Variants in CCSER1 observed in about 807,000 individuals in gnomAD.
CCSER1 encodes serine-rich coiled-coil domain-containing protein 1.
A neutral mutation model predicts 82.0 loss-of-function variants in CCSER1; 41 were observed. That is an observed-to-expected ratio of 0.50 (90% confidence interval 0.39 to 0.65). The LOEUF is 0.65. Among genes scored for constraint, CCSER1 ranks in the 30% least tolerant of loss-of-function variants. The pLI, the probability that CCSER1 is intolerant of heterozygous loss-of-function variation, is 0.00. For missense variants in CCSER1, 1,119 were observed against 1,064.2 expected (o/e 1.05, Z -0.72); for synonymous variants, 414 against 383.9 (o/e 1.08, Z -0.92).
intron 5 of CCSER1, among the ~76,000 whole-genome samples, chr4:90,565,304 C>T (rs975884291): frequency 7.5e-6 from 1 of 132,550 alleles, no homozygotes; most frequent in African/African-American, 3.2e-5. Context: ...TTCTTATTTT[C>T]AGATATTTTG....
chr4:91,174,583 G>A (rs757657043), intron 10 of CCSER1, among the ~76,000 whole-genome samples: 6 of 151,898 alleles, frequency 4.0e-5, no homozygotes, highest in African/African-American at 7.3e-5. Flanking sequence ...ACATGCATTA[G>A]GTATTTGGAC....
At chr4:90,466,744 T>G (rs1047849019) in intron 4 of CCSER1, among the ~76,000 whole-genome samples, 1 of 152,204 alleles carries the variant, frequency 6.6e-6, no homozygotes. Context: ...CTGAAACTCT[T>G]TCTCTATTGT....
chr4:90,312,509 T>A (rs1463302353), intron 2 of CCSER1, among the ~76,000 whole-genome samples: 1 of 151,852 alleles, frequency 6.6e-6, no homozygotes, highest in Non-Finnish European at 1.5e-5. Context: ...TAGGCAGAGG[T>A]AGGAGAATTG....
chr4:90,401,819 A>G (rs1752919548), intron 4 of CCSER1, among the ~76,000 whole-genome samples: 1 of 152,166 alleles, frequency 6.6e-6, no homozygotes, highest in Non-Finnish European at 1.5e-5. Context: ...TTGAGTCACC[A>G]TGGCCACCCG....
intron 1 of CCSER1, among the ~76,000 whole-genome samples, chr4:90,175,105 G>A (rs570490448): frequency 6.6e-6 from 1 of 152,066 alleles, no homozygotes; most frequent in Non-Finnish European, 1.5e-5. Flanking sequence ...GTAACAAACC[G>A]AGTGCCCATC....
At chr4:90,167,322 T>C (rs11945007) in intron 1 of CCSER1, among the ~76,000 whole-genome samples, 51,907 of 151,910 alleles carry the variant, frequency 0.34, 11,088 homozygotes, top group East Asian at 0.65. Flanking sequence ...GGTAAAAATA[T>C]AGATTGAATT....
At chr4:90,243,306 T>C (rs970601842) in intron 1 of CCSER1, among the ~76,000 whole-genome samples, 1 of 151,890 alleles carries the variant, frequency 6.6e-6, no homozygotes, top group African/African-American at 2.4e-5. Flanking sequence ...TGGAATGCAG[T>C]GGGACAATCT....
chr4:90,758,192 C>A (rs903637840), intron 7 of CCSER1, among the ~76,000 whole-genome samples: 1 of 152,160 alleles, frequency 6.6e-6, no homozygotes, highest in Admixed American at 6.5e-5. Flanking sequence ...CTGCGTCGGC[C>A]TCCCAAAGTG....
chr4:90,739,813 C>T (rs543366606), intron 7 of CCSER1, among the ~76,000 whole-genome samples: 20 of 152,240 alleles, frequency 1.3e-4, no homozygotes, highest in East Asian at 3.9e-4. Flanking sequence ...TCTCTCTCCA[C>T]GGCAGGTGGC....
chr4:90,682,449 T>C (rs993489464), intron 6 of CCSER1, among the ~76,000 whole-genome samples: 6 of 152,206 alleles, frequency 3.9e-5, no homozygotes, highest in African/African-American at 1.4e-4. Context: ...TATAGATTTA[T>C]TTCTCCAAAG....
chr4:90,689,164 A>C (rs1170149651), intron 6 of CCSER1, among the ~76,000 whole-genome samples: 1 of 152,152 alleles, frequency 6.6e-6, no homozygotes, highest in East Asian at 1.9e-4. Flanking sequence ...TTCAAACTTG[A>C]AGACATTTTC....
intron 9 of CCSER1, among the ~76,000 whole-genome samples, chr4:91,006,169 G>A (rs980193532): frequency 5.9e-5 from 9 of 151,892 alleles, no homozygotes; most frequent in African/African-American, 2.2e-4. Context: ...CAAATTATTT[G>A]TCTTCTATTC....
intron 6 of CCSER1, among the ~76,000 whole-genome samples, chr4:90,682,168 T>C (rs1734007304): frequency 6.6e-6 from 1 of 151,922 alleles, no homozygotes; most frequent in Non-Finnish European, 1.5e-5. Flanking sequence ...TGGAGAGTTC[T>C]TCCTAGAATG....
At chr4:90,316,439 A>T (rs775087793) in intron 3 of CCSER1, among the ~76,000 whole-genome samples, 2 of 152,224 alleles carry the variant, frequency 1.3e-5, no homozygotes, top group African/African-American at 2.4e-5. Flanking sequence ...TCTGTAAGAG[A>T]TACAAAAGAG....
chr4:90,544,149 A>G (rs1461759365), intron 5 of CCSER1, among the ~76,000 whole-genome samples: 1 of 152,080 alleles, frequency 6.6e-6, no homozygotes, highest in Non-Finnish European at 1.5e-5. Flanking sequence ...AGATTAGAAG[A>G]CTGTTTTTTA....
chr4:90,761,341 G>T (rs577887531), intron 7 of CCSER1, among the ~76,000 whole-genome samples: 2 of 152,022 alleles, frequency 1.3e-5, no homozygotes, highest in Non-Finnish European at 2.9e-5. Context: ...CACACTGCTT[G>T]GAATTTAAAC....
chr4:90,239,288 G>T (rs1188271611), intron 1 of CCSER1, among the ~76,000 whole-genome samples: 1 of 152,054 alleles, frequency 6.6e-6, no homozygotes, highest in Non-Finnish European at 1.5e-5. Context: ...AATTTTGAAG[G>T]CTACAGTCAG....
intron 10 of CCSER1, among the ~76,000 whole-genome samples, chr4:91,410,109 T>A (rs2149370266): frequency 6.6e-6 from 1 of 152,328 alleles, no homozygotes; most frequent in African/African-American, 2.4e-5. Flanking sequence ...CCTGGTTTTC[T>A]TTGTTTTTCT....
chr4:91,550,931 T>A (rs1288263178), intron 10 of CCSER1, among the ~76,000 whole-genome samples: 2 of 152,140 alleles, frequency 1.3e-5, no homozygotes, highest in African/African-American at 4.8e-5. Flanking sequence ...AAACTATTAT[T>A]TTAAATAATA....
Sources: allele counts gnomAD v4.1 joint callset (sites outside exome capture counted in the v4.1 genomes callset), GRCh38; gene constraint gnomAD v4.1.1; transcripts MANE v1.5; gene names NCBI Gene and HGNC (gene_info 2026-07-23, HGNC 2026-07-21).